Variants in SLC44A5 observed in about 807,000 individuals in gnomAD.
The protein encoded by SLC44A5 is solute carrier family 44 member 5, also known as choline transporter-like protein 5.
A neutral mutation model predicts 101.8 loss-of-function variants in SLC44A5; 57 were observed. The observed-to-expected ratio is 0.56, with a 90% CI of 0.45 to 0.70. The LOEUF is 0.70. Among genes scored for constraint, SLC44A5 ranks in the 30% least tolerant of loss-of-function variants. The pLI is 0.00. For missense variants in SLC44A5, 737 were observed against 853.1 expected (o/e 0.86, Z 1.70); for synonymous variants, 281 against 290.9 (o/e 0.97, Z 0.35).
At chr1:75,683,507 CA>C in the SLC44A5 span, among the ~76,000 whole-genome samples, 1 of 151,490 alleles carries the variant, frequency 6.6e-6, no homozygotes, top group African/African-American at 2.4e-5. Flanking sequence ...ATCACAAGAA[CA>C]AAAAACCAAA....
intron 3 of SLC44A5, among the ~76,000 whole-genome samples, chr1:75,384,659 G>C (rs1661169096): frequency 8.4e-6 from 1 of 118,848 alleles, no homozygotes; most frequent in Non-Finnish European, 1.7e-5. Context: ...GAGACAGAAA[G>C]TCAACAAGGA....
intron 4 of SLC44A5, among the ~76,000 whole-genome samples, chr1:75,333,532 C>T (rs1258857254): frequency 6.7e-6 from 1 of 149,158 alleles, no homozygotes. Flanking sequence ...AACCTAAAAA[C>T]TCTGTAGGCA....
At chr1:75,605,208 A>C (rs1675251795) in intron 1 of SLC44A5, among the ~76,000 whole-genome samples, 1 of 150,790 alleles carries the variant, frequency 6.6e-6, no homozygotes, top group Admixed American at 6.6e-5. Context: ...AAAACTATGA[A>C]TTTAAAATTG....
At chr1:75,482,102 G>C (rs1211311302) in intron 2 of SLC44A5, among the ~76,000 whole-genome samples, 1 of 152,014 alleles carries the variant, frequency 6.6e-6, no homozygotes, top group Non-Finnish European at 1.5e-5. Context: ...AAAAAATGAT[G>C]AGTTCATGTC....
At chr1:75,369,901 A>G (rs1660116843) in intron 3 of SLC44A5, among the ~76,000 whole-genome samples, 1 of 152,202 alleles carries the variant, frequency 6.6e-6, no homozygotes, top group Non-Finnish European at 1.5e-5. Context: ...TTGGCCTTGA[A>G]ACTTACTGCT....
chr1:75,459,565 C>T (rs1048786635), intron 2 of SLC44A5, among the ~76,000 whole-genome samples: 5 of 152,160 alleles, frequency 3.3e-5, no homozygotes, highest in Admixed American at 6.5e-5. Flanking sequence ...ATCACCCTCC[C>T]TTTCCCGAGA....
chr1:75,664,593 ACAGATAAC>A, the SLC44A5 span, among the ~76,000 whole-genome samples: 1 of 152,198 alleles, frequency 6.6e-6, no homozygotes. Flanking sequence ...ATCTAGGAAT[ACAGATAAC>A]CAAGGAGGTG....
In SLC44A5 at chr1:75,553,097, G is replaced by A. The variant is rs531088128; in HGVS notation, c.-69-11581C>T. Among the ~76,000 whole-genome samples, 268 of 152,184 alleles carry A rather than the reference G, an allele frequency of 1.8e-3. 1 individual carries two copies. Among genetic ancestry groups the A allele is most frequent in the Middle Eastern group, 3.4e-3 (1 of 294 alleles). On this transcript the variant is annotated intron_variant, in intron 1 of 23. Transcript: ENST00000370859. ...AAACTTCACATTTTCCAAAAAAGAA[G>A]TAGACTATATTTCTGATTTCTTATT...
chr1:75,696,424 T>TA, the SLC44A5 span, among the ~76,000 whole-genome samples: 3 of 152,160 alleles, frequency 2.0e-5, no homozygotes, highest in Admixed American at 6.5e-5. Context: ...AGGAGATTCA[T>TA]AAAGGATAGG....
At chr1:75,607,004 T>C (rs1239563472) in intron 1 of SLC44A5, among the ~76,000 whole-genome samples, 1 of 152,014 alleles carries the variant, frequency 6.6e-6, no homozygotes, top group Non-Finnish European at 1.5e-5. Flanking sequence ...TGATCTTAAA[T>C]ACCACCAATG....
intron 4 of SLC44A5, among the ~76,000 whole-genome samples, chr1:75,312,705 A>G (rs1655403089): frequency 6.6e-6 from 1 of 151,238 alleles, no homozygotes; most frequent in South Asian, 2.1e-4. Flanking sequence ...TATTATATAT[A>G]TAGCAGCACA....
In SLC44A5 at chr1:75,548,990, A is replaced by G. The variant is rs142885017; in HGVS notation, c.-69-7474T>C. ...GTTTCCCATATCTTCCATCTTTCCT[A>G]TCCCAAAAGCTATGGCTATAATCTC... On this transcript the variant is annotated intron_variant, in intron 1 of 23. Coordinates refer to ENST00000370859, the MANE Select transcript of SLC44A5 (RefSeq NM_001130058.2). Among the ~76,000 whole-genome samples the G allele has an allele frequency of 5.7e-3, 872 of 152,254 alleles. 15 individuals are homozygous for G. The highest frequency in any genetic ancestry group is 0.035 in the Admixed American group (536 of 15,274).
At chr1:75,453,229 A>G (rs1019144132) in intron 2 of SLC44A5, among the ~76,000 whole-genome samples, 1 of 152,106 alleles carries the variant, frequency 6.6e-6, no homozygotes, top group South Asian at 2.1e-4. Context: ...TACCAAGAAG[A>G]TCTCTCAAAA....
chr1:75,626,791 A>C, the SLC44A5 span, among the ~76,000 whole-genome samples: 1 of 152,108 alleles, frequency 6.6e-6, no homozygotes, highest in Admixed American at 6.6e-5. Flanking sequence ...CCATCTTCAC[A>C]TTGATGCCTT....
At chr1:75,469,068 G>T (rs1345383258) in intron 2 of SLC44A5, among the ~76,000 whole-genome samples, 1 of 152,002 alleles carries the variant, frequency 6.6e-6, no homozygotes, top group Non-Finnish European at 1.5e-5. Flanking sequence ...AGAAACAGAT[G>T]AAATTAATTT....
At chr1:75,313,472 G>C (rs141359198) in intron 4 of SLC44A5, among the ~76,000 whole-genome samples, 6 of 152,294 alleles carry the variant, frequency 3.9e-5, no homozygotes, top group African/African-American at 1.4e-4. Flanking sequence ...AATGTAGTTA[G>C]CTGGCATCTG....
intron 1 of SLC44A5, among the ~76,000 whole-genome samples, chr1:75,583,008 A>T (rs937269174): frequency 1.3e-5 from 2 of 152,156 alleles, no homozygotes; most frequent in African/African-American, 4.8e-5. Flanking sequence ...ATTTCTTTTC[A>T]TGATAACAAT....
chr1:75,464,317 CTTGT>C (rs1666693175), intron 2 of SLC44A5, among the ~76,000 whole-genome samples: 1 of 149,750 alleles, frequency 6.7e-6, no homozygotes, highest in Non-Finnish European at 1.5e-5. Context: ...TTTCTTTTTG[CTTGT>C]TTGTTTATGA....
chr1:75,683,785 A>G, the SLC44A5 span, among the ~76,000 whole-genome samples: 15 of 151,642 alleles, frequency 9.9e-5, no homozygotes, highest in Admixed American at 6.6e-4. Context: ...TAAATAAATA[A>G]GACTTGGAAA....
Sources: gnomAD v4.1 joint callset for allele counts (sites outside exome capture counted in the v4.1 genomes callset) on GRCh38, gnomAD v4.1.1 for gene constraint, MANE v1.5 for transcripts, NCBI Gene and HGNC (gene_info 2026-07-23, HGNC 2026-07-21) for gene names.